DNAH8: variants seen among roughly 807,000 people sequenced by gnomAD.
DNAH8 encodes the protein axonemal beta dynein heavy chain 8.
A neutral mutation model predicts 562.1 loss-of-function variants in DNAH8; 382 were observed. The observed-to-expected ratio is 0.68, with a 90% CI of 0.63 to 0.74. DNAH8 has a LOEUF of 0.74. Among genes scored for constraint, DNAH8 ranks in the 30% least tolerant of loss-of-function variants. DNAH8 has a pLI of 0.00. For synonymous variants in DNAH8, 1,881 were observed against 1,919.4 expected (o/e 0.98, Z 0.52); for missense variants, 5,203 against 5,620.4 (o/e 0.93, Z 2.37).
intron 81 of DNAH8, among the ~76,000 whole-genome samples, chr6:38,950,462 CAG>C (rs1278087230): frequency 6.8e-6 from 1 of 146,108 alleles, no homozygotes; most frequent in African/African-American, 2.6e-5. Flanking sequence ...TTTTTTGAGA[CAG>C]AGTCTCACTC....
chr6:38,851,606 T>C lies in DNAH8; in HGVS notation c.5398T>C (p.Phe1800Leu), dbSNP rs888795938. 1.4e-5 allele frequency: 22 copies of C among 1,611,680 alleles called. No individual in the cohort carries two copies. The highest frequency in any genetic ancestry group is 1.4e-5 in the Non-Finnish European group (17 of 1,179,218). ...GAAGAAACGATTACTGTTTCCAAGATTCTTCTTTGTATCTGATCCAGTTCT... is the reference window on the plus strand; with the variant it reads ...GAAGAAACGATTACTGTTTCCAAGACTCTTCTTTGTATCTGATCCAGTTCT... ...LEKKRLLFPRFFFVSDPVLLE... is the reference protein window; with the variant it reads ...LEKKRLLFPRLFFVSDPVLLE... The change falls in exon 39 of 93, where the codon TTC becomes CTC. Residue 1800 changes from phenylalanine (F) to leucine (L), a missense_variant. By Grantham distance (22) the Phe-to-Leu change is conservative (BLOSUM62 0). Transcript: ENST00000327475.
intron 53 of DNAH8, among the ~76,000 whole-genome samples, chr6:38,880,706 C>T (rs1281218949): frequency 2.6e-5 from 4 of 152,182 alleles, no homozygotes; most frequent in African/African-American, 9.7e-5. Flanking sequence ...TATTTAACAT[C>T]ATTGGTCGTC....
intron 70 of DNAH8, among the ~76,000 whole-genome samples, chr6:38,919,663 T>A (rs1781553468): frequency 6.6e-6 from 1 of 152,176 alleles, no homozygotes; most frequent in Non-Finnish European, 1.5e-5. Context: ...CTTGATTAAA[T>A]TCCCGAAAGC....
intron 59 of DNAH8, among the ~76,000 whole-genome samples, chr6:38,895,216 G>A (rs1050873148): frequency 6.6e-6 from 1 of 152,130 alleles, no homozygotes; most frequent in African/African-American, 2.4e-5. Context: ...TGGGATTACA[G>A]GCATGAGCCA....
chr6:38,931,796 T>C lies in DNAH8; in HGVS notation c.11275-15T>C, dbSNP rs2150577795. The C allele has an allele frequency of 6.6e-7, 1 of 1,513,066 alleles. No individual in the cohort carries two copies. Among genetic ancestry groups the C allele is most frequent in the East Asian group, 2.4e-5 (1 of 40,960 alleles). 93.7% of individuals were successfully genotyped at this position (1,513,066 alleles called of 1,614,324 possible). Reference sequence around the variant, plus strand: ...CCTTTAAGCTGTTTTTAATTTTATATGTGAATTTATGTAGGTGAAAGTCGG... The same window carrying C: ...CCTTTAAGCTGTTTTTAATTTTATACGTGAATTTATGTAGGTGAAAGTCGG... On this transcript the variant is annotated splice_polypyrimidine_tract_variant and intron_variant, in intron 75 of 92. Coordinates refer to ENST00000327475, the MANE Select transcript of DNAH8 (RefSeq NM_001206927.2).
At chr6:38,838,334 A>T (rs1774475926) in intron 33 of DNAH8, among the ~76,000 whole-genome samples, 1 of 152,228 alleles carries the variant, frequency 6.6e-6, no homozygotes, top group Non-Finnish European at 1.5e-5. Flanking sequence ...GTCAGTGATT[A>T]TGCAGAAGCA....
chr6:38,945,709 G>T, intron 80 of DNAH8, 121 bp downstream of exon 80: 3 of 1,325,100 alleles, frequency 2.3e-6, no homozygotes, highest in Non-Finnish European at 3.1e-6. Flanking sequence ...CAATAGTTTG[G>T]ATTTGAGGCT....
intron 82 of DNAH8, among the ~76,000 whole-genome samples, chr6:38,951,785 A>G (rs1583442227): frequency 6.6e-6 from 1 of 152,036 alleles, no homozygotes; most frequent in East Asian, 1.9e-4. Context: ...AGATAGCTGT[A>G]TTGCATGGAT....
chr6:38,869,945 A>G (rs188704950), intron 48 of DNAH8, among the ~76,000 whole-genome samples: 1 of 152,322 alleles, frequency 6.6e-6, no homozygotes, highest in Non-Finnish European at 1.5e-5. Context: ...TAAAGGAAAG[A>G]GGTTTGATGA....
At chr6:38,914,720 A>G (rs1456351941) in intron 67 of DNAH8, among the ~76,000 whole-genome samples, 1 of 152,136 alleles carries the variant, frequency 6.6e-6, no homozygotes, top group Non-Finnish European at 1.5e-5. Context: ...ACCAAGAGTC[A>G]GTTAAGAATA....
chr6:38,951,595 A>G lies in DNAH8; in HGVS notation c.12451+75A>G. ...CCCAAATTTTGCCTTTCGTAATTTT[A>G]TAACTGATTCTTAGAAATAGATGTA... On this transcript the variant is annotated intron_variant, in intron 82 of 92. Transcript: ENST00000327475. The G allele has an allele frequency of 3.2e-6, 4 of 1,266,640 alleles. No homozygotes were observed. The South Asian group carries it at 5.2e-5, about 17-fold the overall frequency. 78.5% of individuals were successfully genotyped at this position (1,266,640 alleles called of 1,614,324 possible).
At chr6:38,854,760 C>G (rs1776049206) in intron 41 of DNAH8, among the ~76,000 whole-genome samples, 1 of 151,666 alleles carries the variant, frequency 6.6e-6, no homozygotes, top group African/African-American at 2.4e-5. Flanking sequence ...AAGTTCCAAA[C>G]AGTGGTGAAG....
intron 43 of DNAH8, among the ~76,000 whole-genome samples, chr6:38,861,294 C>T (rs1434517568): frequency 6.6e-6 from 1 of 152,154 alleles, no homozygotes; most frequent in Non-Finnish European, 1.5e-5. Context: ...TGCCCAGTGC[C>T]ATAGCAACAT....
At chr6:38,865,054 A>G (rs1030264432) in intron 45 of DNAH8, among the ~76,000 whole-genome samples, 1 of 152,236 alleles carries the variant, frequency 6.6e-6, no homozygotes, top group Admixed American at 6.5e-5. Context: ...GAGCTTTGAG[A>G]TTCAGTGTTG....
In DNAH8 at chr6:38,973,656, T is replaced by C; in HGVS notation, c.12526-5T>C. The stretch of plus-strand genomic sequence containing the variant: ...AAATAAATATGAACTTATTTTTGGA[T>C]ACAGGGTGGTTGGGTATTACTACAA... On this transcript the variant is annotated splice_region_variant and splice_polypyrimidine_tract_variant and intron_variant, in intron 83 of 92. Transcript: ENST00000327475. The C allele has an allele frequency of 1.9e-6, 3 of 1,574,648 alleles. No homozygotes were observed. The highest frequency in any genetic ancestry group is 2.6e-6 in the Non-Finnish European group (3 of 1,165,756).
intron 91 of DNAH8, among the ~76,000 whole-genome samples, chr6:39,014,371 C>T (rs1766428236): frequency 6.6e-6 from 1 of 152,088 alleles, no homozygotes; most frequent in African/African-American, 2.4e-5. Flanking sequence ...AAGTCGTCAC[C>T]AGGTAATTTC....
At position 38,938,068 on chromosome 6, in the gene DNAH8, A is replaced by G. The variant is rs1371506228; in HGVS notation, c.11658A>G (p.Glu3886=). The change falls in exon 78 of 93, where the codon GAA becomes GAG. Residue 3886 remains glutamate (E), a synonymous_variant. Coordinates refer to ENST00000327475, the MANE Select transcript of DNAH8 (RefSeq NM_001206927.2). The part of the protein sequence containing the change: ...EVSEKLHVAA[E]TEIKINAAQE... Reference sequence around the variant, plus strand: ...GTGAAAAGTTGCATGTGGCTGCAGAAACTGAGATCAAGATCAACGCGGCTC... The same window carrying G: ...GTGAAAAGTTGCATGTGGCTGCAGAGACTGAGATCAAGATCAACGCGGCTC... 1.2e-6 allele frequency: 2 copies of G among 1,614,024 alleles called. No homozygotes were observed. Among genetic ancestry groups the G allele is most frequent in the Admixed American group, 1.7e-5 (1 of 59,998 alleles).
rs185247909 is a variant in DNAH8, at chr6:38,802,757, T to C, written c.2902-422T>C. Among the ~76,000 whole-genome samples the C allele has an allele frequency of 5.7e-3, 865 of 152,370 alleles. 10 individuals carry two copies. Among genetic ancestry groups the C allele is most frequent in the African/African-American group, 0.019 (782 of 41,588 alleles). On this transcript the variant is annotated intron_variant, in intron 21 of 92. Transcript: ENST00000327475. Reference sequence around the variant, plus strand: ...TGTGTAAAGCTCTTAAATTGATGCCTGTTATACAACACCATGCTCAATTAA... The same window carrying C: ...TGTGTAAAGCTCTTAAATTGATGCCCGTTATACAACACCATGCTCAATTAA...
At chr6:38,798,336 T>A (rs1770478358) in intron 21 of DNAH8, among the ~76,000 whole-genome samples, 1 of 152,256 alleles carries the variant, frequency 6.6e-6, no homozygotes, top group Non-Finnish European at 1.5e-5. Flanking sequence ...AAAATCAATA[T>A]AACTGTCTCC....
Sources: allele counts gnomAD v4.1 joint callset (sites outside exome capture counted in the v4.1 genomes callset), GRCh38; gene constraint gnomAD v4.1.1; transcripts MANE v1.5; gene names NCBI Gene and HGNC (gene_info 2026-07-23, HGNC 2026-07-21).